The following DLEU7 variants were observed in gnomAD, a reference collection of about 807,000 sequenced individuals.
DLEU7 encodes leukemia-associated protein 7.
In DLEU7, 17 loss-of-function variants were observed where a neutral mutation model predicts 16.0. The ratio of observed to expected loss-of-function variants is 1.06; its 90% CI spans 0.73 to 1.59. DLEU7 has a LOEUF of 1.59. Among genes scored for constraint, DLEU7 ranks in the 40% most tolerant of loss-of-function variants. The probability of loss-of-function intolerance (pLI) is 0.00; values close to 1 mark genes in which losing one functional copy is unlikely to be tolerated. For missense variants in DLEU7, 308 were observed against 314.9 expected, an observed-to-expected ratio of 0.98 and a Z score of 0.17; for synonymous variants, 113 against 139.8, an observed-to-expected ratio of 0.81 and a Z score of 1.35.
At chr13:50,833,409 G>A (rs1172409920) in intron 1 of DLEU7, among the ~76,000 whole-genome samples, 1 of 151,882 alleles carries the variant, frequency 6.6e-6, no homozygotes, top group African/African-American at 2.4e-5. Context: ...CAATAACAGA[G>A]AGCCAAATCA....
At chr13:50,802,283 A>G (rs1876274666) in intron 1 of DLEU7, among the ~76,000 whole-genome samples, 1 of 152,188 alleles carries the variant, frequency 6.6e-6, no homozygotes, top group Admixed American at 6.6e-5. Context: ...AGGAAGGTAC[A>G]ATCAAGTTAA....
chr13:50,779,349 G>A lies in DLEU7; in HGVS notation c.459+63839C>T, dbSNP rs377266993. 4.5e-4 allele frequency among the ~76,000 whole-genome samples: 68 copies of A among 152,204 alleles called. 1 individual carries two copies. The South Asian group carries it at 0.013, about 30-fold the overall frequency. ...TGTACCAAAGTTTGAATTGCAATCCGAATTCACTCTATCTAGCTTAATTAG... is the reference window on the plus strand; with the variant it reads ...TGTACCAAAGTTTGAATTGCAATCCAAATTCACTCTATCTAGCTTAATTAG... On this transcript the variant is annotated intron_variant, in intron 1 of 1. Transcript: ENST00000400393.
At chr13:50,745,203 A>G (rs1167812994) in intron 1 of DLEU7, among the ~76,000 whole-genome samples, 17 of 152,224 alleles carry the variant, frequency 1.1e-4, no homozygotes, top group Admixed American at 9.8e-4. Flanking sequence ...AAAATGTGGC[A>G]TATACATAAA....
At chr13:50,731,126 G>A (rs561050248) in intron 1 of DLEU7, among the ~76,000 whole-genome samples, 8 of 152,280 alleles carry the variant, frequency 5.3e-5, no homozygotes, top group East Asian at 3.9e-4. Flanking sequence ...CAGAGTGGTC[G>A]TCGGCCAAGT....
At chr13:50,734,911 G>A (rs1223847598) in intron 1 of DLEU7, among the ~76,000 whole-genome samples, 1 of 152,134 alleles carries the variant, frequency 6.6e-6, no homozygotes, top group Admixed American at 6.5e-5. Flanking sequence ...ATCTATAAGA[G>A]ATAAACTTTA....
chr13:50,711,223 C>T (rs893446400), downstream of DLEU7: 1 of 152,060 alleles, frequency 6.6e-6, no homozygotes, highest in Non-Finnish European at 1.5e-5. Context: ...TAAGCAAAAA[C>T]AATTTGGCCA....
At chr13:50,801,458 G>A (rs979353496) in intron 1 of DLEU7, among the ~76,000 whole-genome samples, 13 of 151,992 alleles carry the variant, frequency 8.6e-5, no homozygotes, top group Non-Finnish European at 1.5e-4. Flanking sequence ...AGCAGAGACC[G>A]GTCTACTGTG....
chr13:50,779,360 A>G (rs1875591090), intron 1 of DLEU7, among the ~76,000 whole-genome samples: 1 of 152,206 alleles, frequency 6.6e-6, no homozygotes, highest in Non-Finnish European at 1.5e-5. Context: ...AATTCACTCT[A>G]TCTAGCTTAA....
chr13:50,772,718 C>A (rs1269665606), intron 1 of DLEU7, among the ~76,000 whole-genome samples: 1 of 152,106 alleles, frequency 6.6e-6, no homozygotes, highest in African/African-American at 2.4e-5. Flanking sequence ...TCATTTCAAC[C>A]TTGGTGAATC....
downstream of DLEU7, among the ~76,000 whole-genome samples, chr13:50,818,356 CAT>C: frequency 6.6e-6 from 1 of 152,242 alleles, no homozygotes; most frequent in East Asian, 1.9e-4. Flanking sequence ...GTGATTGCTA[CAT>C]GATTGTTTTT....
At chr13:50,824,235 A>G (rs533291513) in intron 1 of DLEU7, among the ~76,000 whole-genome samples, 3 of 152,320 alleles carry the variant, frequency 2.0e-5, no homozygotes, top group East Asian at 1.9e-4. Flanking sequence ...TAAAAGAAGG[A>G]GGTAATTCTA....
At chr13:50,760,038 G>A (rs769980384) in intron 1 of DLEU7, among the ~76,000 whole-genome samples, 8 of 152,152 alleles carry the variant, frequency 5.3e-5, no homozygotes, top group Non-Finnish European at 1.2e-4. Context: ...GGTCTTTTAC[G>A]TATTCTTGAG....
At chr13:50,828,006 T>C (rs1297888732) in intron 1 of DLEU7, among the ~76,000 whole-genome samples, 2 of 152,106 alleles carry the variant, frequency 1.3e-5, no homozygotes, top group Admixed American at 1.3e-4. Context: ...TTATTTGGGA[T>C]GAAATAAAAC....
At chr13:50,730,935 C>T (rs1314124970) in intron 1 of DLEU7, among the ~76,000 whole-genome samples, 3 of 152,104 alleles carry the variant, frequency 2.0e-5, no homozygotes, top group Non-Finnish European at 4.4e-5. Flanking sequence ...AAAACCCCAC[C>T]TCTCCACACC....
In DLEU7 at chr13:50,843,153, T is replaced by C; in HGVS notation, c.459+35A>G. On this transcript the variant is annotated intron_variant, in intron 1 of 1. Transcript: ENST00000504404. The surrounding 1 kb of genome is among the most constrained non-coding windows in gnomAD (Gnocchi z 5.7). ...ACCCTTGGAGGATGGGAGGTTACCC[T>C]GCACGCCAGAGGGGATGGCGGGGGC... 2 of 1,565,366 alleles carry C rather than the reference T, an allele frequency of 1.3e-6. No individual in the cohort carries two copies. Among genetic ancestry groups the C allele is most frequent in the South Asian group, 1.2e-5 (1 of 86,638 alleles).
At position 50,843,081 on chromosome 13, in the gene DLEU7, C is replaced by G. The variant is rs1157094203; in HGVS notation, c.459+107G>C. 6 of 1,100,938 alleles carry G rather than the reference C, an allele frequency of 5.4e-6. No individual in the cohort carries two copies. Among genetic ancestry groups the G allele is most frequent in the South Asian group, 3.5e-5 (2 of 56,806 alleles). The allele number at this position is 1,100,938 out of a possible 1,614,324, so 68.2% of individuals were successfully genotyped here. ...ACTGGGGCTGAATCACAGTGGGCAG[C>G]AGTGTTTGGGATCCTGCGATCCACC... On this transcript the variant is annotated intron_variant, in intron 1 of 1. Coordinates refer to ENST00000504404, the MANE Select transcript of DLEU7 (RefSeq NM_001306135.2). The surrounding 1 kb of genome is among the most constrained non-coding windows in gnomAD (Gnocchi z 5.7).
intron 1 of DLEU7, among the ~76,000 whole-genome samples, chr13:50,836,674 AAAAGAAAAAAAAAAGG>A (rs888650405): frequency 1.3e-5 from 2 of 151,962 alleles, no homozygotes; most frequent in African/African-American, 4.8e-5. Context: ...ACTCCATCTC[AAAAGAAAAAAAAAAGG>A]AAAGAAAAAA....
chr13:50,795,334 A>G (rs1876081137), intron 1 of DLEU7, among the ~76,000 whole-genome samples: 1 of 152,022 alleles, frequency 6.6e-6, no homozygotes, highest in Admixed American at 6.6e-5. Flanking sequence ...TTCACCTTGA[A>G]CTCATGTCCA....
At chr13:50,842,360 G>C (rs918514244) in intron 1 of DLEU7, among the ~76,000 whole-genome samples, 1 of 152,092 alleles carries the variant, frequency 6.6e-6, no homozygotes, top group Non-Finnish European at 1.5e-5. Flanking sequence ...CAATGCTCCT[G>C]GTCAAAATCT....
Sources: gnomAD v4.1 joint callset for allele counts (sites outside exome capture counted in the v4.1 genomes callset) on GRCh38, gnomAD v4.1.1 for gene constraint, Gnocchi (gnomAD v3.1) non-coding constraint, MANE v1.5 for transcripts, NCBI Gene and HGNC (gene_info 2026-07-23, HGNC 2026-07-21) for gene names.